The following LRP1B variants were observed in gnomAD, a reference collection of about 807,000 sequenced individuals.
LRP1B encodes the protein LDL receptor related protein 1B.
Under a neutral mutation model 556.6 loss-of-function variants are expected in LRP1B, and 217 were observed. The observed-to-expected ratio is 0.39, with a 90% CI of 0.35 to 0.44. The LOEUF (loss-of-function observed/expected upper bound fraction) is 0.44. Among genes scored for constraint, LRP1B ranks in the 20% least tolerant of loss-of-function variants. The pLI is 1.00. For synonymous variants in LRP1B, 2,047 were observed against 1,865.8 expected (o/e 1.10, Z -2.50); for missense variants, 5,053 against 5,620.8 (o/e 0.90, Z 3.23).
At chr2:140,597,286 G>A (rs1682480397) in intron 43 of LRP1B, among the ~76,000 whole-genome samples, 1 of 152,000 alleles carries the variant, frequency 6.6e-6, no homozygotes, top group Non-Finnish European at 1.5e-5. Context: ...TTATGTTAGT[G>A]CTATCTTATT....
At chr2:141,119,716 TTGTG>T (rs138710668) in intron 7 of LRP1B, among the ~76,000 whole-genome samples, 5 of 149,392 alleles carry the variant, frequency 3.3e-5, no homozygotes, top group Non-Finnish European at 6.0e-5. Flanking sequence ...ACCCAAGAGG[TTGTG>T]TGTGTGTGTG....
At chr2:141,885,366 T>C (rs1699078564) in intron 1 of LRP1B, among the ~76,000 whole-genome samples, 1 of 151,984 alleles carries the variant, frequency 6.6e-6, no homozygotes, top group Non-Finnish European at 1.5e-5. Flanking sequence ...AATTAAGAAG[T>C]GTTTAAATGG....
intron 2 of LRP1B, among the ~76,000 whole-genome samples, chr2:141,571,737 C>T (rs192949822): frequency 1.1e-3 from 165 of 152,142 alleles, no homozygotes; most frequent in Admixed American, 1.8e-3. Flanking sequence ...GGAACATAAA[C>T]GACCTGATGG....
At chr2:140,791,286 G>A (rs1304068691) in intron 32 of LRP1B, among the ~76,000 whole-genome samples, 2 of 151,676 alleles carry the variant, frequency 1.3e-5, no homozygotes, top group East Asian at 3.9e-4. Flanking sequence ...AAAACCAGCT[G>A]GGCTTGGTGG....
intron 1 of LRP1B, among the ~76,000 whole-genome samples, chr2:141,905,953 T>C (rs1273716645): frequency 6.7e-6 from 1 of 149,644 alleles, no homozygotes; most frequent in Non-Finnish European, 1.5e-5. Flanking sequence ...TTTGTGTGTG[T>C]CTCTGTGTAT....
chr2:140,253,600 G>A (rs569257572), intron 86 of LRP1B, among the ~76,000 whole-genome samples: 1 of 99,498 alleles, frequency 1.0e-5, no homozygotes, highest in East Asian at 3.7e-4. Flanking sequence ...AGTGTTAAAC[G>A]ATGACTAAAT....
At chr2:140,398,236 T>A (rs1472069230) in intron 66 of LRP1B, among the ~76,000 whole-genome samples, 2 of 152,128 alleles carry the variant, frequency 1.3e-5, no homozygotes, top group Admixed American at 6.6e-5. Context: ...TTTATCTAAA[T>A]TATTATTTAT....
In LRP1B at chr2:141,983,832, G is replaced by A. The variant is rs151212430; in HGVS notation, c.82+146816C>T. Among the ~76,000 whole-genome samples the A allele has an allele frequency of 1.1e-3, 165 of 152,262 alleles. 1 individual carries two copies. The highest frequency in any genetic ancestry group is 3.4e-3 in the African/African-American group (140 of 41,562). ...TCCCAGCACTTTGCCAGACCAAGAC[G>A]GGCAGATCACCTGAGGTCAGGAGTT... On this transcript the variant is annotated intron_variant, in intron 1 of 90. Coordinates refer to ENST00000389484, the MANE Select transcript of LRP1B (RefSeq NM_018557.3).
At chr2:141,644,421 T>C (rs1183062499) in intron 2 of LRP1B, among the ~76,000 whole-genome samples, 2 of 152,094 alleles carry the variant, frequency 1.3e-5, no homozygotes, top group Non-Finnish European at 2.9e-5. Flanking sequence ...CCCAGCCACG[T>C]GAAACTGTAA....
chr2:141,152,197 A>G (rs775533132), intron 7 of LRP1B, among the ~76,000 whole-genome samples: 1 of 151,950 alleles, frequency 6.6e-6, no homozygotes, highest in African/African-American at 2.4e-5. Context: ...CTAGCCATGC[A>G]AACTATTTGA....
chr2:141,923,144 T>G (rs1013551214), intron 1 of LRP1B, among the ~76,000 whole-genome samples: 1 of 151,680 alleles, frequency 6.6e-6, no homozygotes, highest in Non-Finnish European at 1.5e-5. Flanking sequence ...CTGTGAGAAC[T>G]GAAGGAGATT....
Position 141,538,639 on chromosome 2 carries a change from T to C in LRP1B, c.206-58106A>G, listed in dbSNP as rs565017171. 2.1e-3 allele frequency among the ~76,000 whole-genome samples: 129 copies of C among 60,488 alleles called. 2 individuals are homozygous for C. The highest frequency in any genetic ancestry group is 6.1e-3 in the African/African-American group (125 of 20,508). 39.7% of individuals were successfully genotyped at this position (60,488 alleles called of 152,430 possible). A position where few individuals can be genotyped will look rare whatever the true frequency, so the allele number is the denominator to read the frequency against. On this transcript the variant is annotated intron_variant, in intron 2 of 90. Coordinates refer to ENST00000389484, the MANE Select transcript of LRP1B (RefSeq NM_018557.3). ...AAAAAGACACCCTGAAAAAAACTTC[T>C]TTTTTTTTTTTTTTTGAGACACAGT... is the stretch of plus-strand genomic sequence containing the variant.
At chr2:140,659,039 A>G (rs1361898957) in intron 41 of LRP1B, among the ~76,000 whole-genome samples, 1 of 147,344 alleles carries the variant, frequency 6.8e-6, no homozygotes, top group Non-Finnish European at 1.5e-5. Context: ...TGAGTTGTAA[A>G]TCTGTTTCAG....
At chr2:140,483,625 T>C (rs530740483) in intron 59 of LRP1B, among the ~76,000 whole-genome samples, 16 of 40,118 alleles carry the variant, frequency 4.0e-4, no homozygotes, top group African/African-American at 7.8e-4. Flanking sequence ...CATATATATA[T>C]ATATATATAT....
intron 1 of LRP1B, among the ~76,000 whole-genome samples, chr2:141,834,160 G>A (rs961568589): frequency 3.3e-5 from 5 of 151,754 alleles, no homozygotes; most frequent in Non-Finnish European, 3.0e-5. Context: ...GTATGCTCAC[G>A]TTTTCGACTT....
At chr2:141,732,822 T>A (rs567665144) in intron 2 of LRP1B, among the ~76,000 whole-genome samples, 86 of 152,264 alleles carry the variant, frequency 5.6e-4, no homozygotes, top group African/African-American at 1.9e-3. Context: ...ATAAGTTTAG[T>A]TGTAACTTGA....
chr2:141,207,020 G>A (rs908473524), intron 6 of LRP1B, among the ~76,000 whole-genome samples: 1 of 152,156 alleles, frequency 6.6e-6, no homozygotes, highest in Admixed American at 6.5e-5. Flanking sequence ...AGCGTATTCA[G>A]AGTCAACTGA....
chr2:140,977,590 G>A lies in LRP1B; in HGVS notation c.2887+4570C>T, dbSNP rs566608942. Among the ~76,000 whole-genome samples the A allele has an allele frequency of 3.6e-4, 20 of 55,068 alleles. No individual in the cohort carries two copies. The South Asian group carries it at 0.02, about 56-fold the overall frequency. 36.1% of individuals were successfully genotyped at this position (55,068 alleles called of 152,430 possible). A position where few individuals can be genotyped will look rare whatever the true frequency, so the allele number is the denominator to read the frequency against. On this transcript the variant is annotated intron_variant, in intron 18 of 90. Coordinates refer to ENST00000389484, the MANE Select transcript of LRP1B (RefSeq NM_018557.3). ...AATTTCTTATTAGGGTGGTGCAACA[G>A]TAATTGCGTTTTTTTTTGTTGTTGT...
intron 2 of LRP1B, among the ~76,000 whole-genome samples, chr2:141,509,737 AG>A (rs1167944787): frequency 1.3e-5 from 2 of 152,176 alleles, no homozygotes; most frequent in Admixed American, 6.6e-5. Flanking sequence ...ATAAAGCAAA[AG>A]TGTACTGTAA....
Sources: allele counts gnomAD v4.1 joint callset (sites outside exome capture counted in the v4.1 genomes callset), GRCh38; gene constraint gnomAD v4.1.1; transcripts MANE v1.5; gene names NCBI Gene and HGNC (gene_info 2026-07-23, HGNC 2026-07-21).